Variants in STK3 observed in about 807,000 individuals in gnomAD.
The protein encoded by STK3 is serine/threonine-protein kinase 3.
STK3 carries 41 observed loss-of-function variants against 58.0 expected under a neutral mutation model. The observed-to-expected ratio is 0.71, with a 90% CI of 0.55 to 0.92. The LOEUF (loss-of-function observed/expected upper bound fraction) is 0.92, where lower values mean the gene tolerates loss of function less well. Ranked by LOEUF, STK3 falls within the 40% of genes least tolerant of loss-of-function variation. The pLI is 0.00. For missense variants in STK3, 479 were observed against 602.7 expected, an observed-to-expected ratio of 0.79 and a Z score of 2.15; for synonymous variants, 170 against 191.0, an observed-to-expected ratio of 0.89 and a Z score of 0.91.
At chr8:98,812,504 GA>G (rs1233925280) in intron 1 of STK3, among the ~76,000 whole-genome samples, 12 of 152,168 alleles carry the variant, frequency 7.9e-5, no homozygotes, top group Non-Finnish European at 1.8e-4. Context: ...TCTAGAACTA[GA>G]AGTACCATTT....
At chr8:98,364,256 G>C in the STK3 span, among the ~76,000 whole-genome samples, 1 of 152,120 alleles carries the variant, frequency 6.6e-6, no homozygotes, top group African/African-American at 2.4e-5. Flanking sequence ...ACTCCCACTC[G>C]CCTGCTTTCC....
chr8:98,578,848 A>T (rs2131722921), intron 8 of STK3, among the ~76,000 whole-genome samples: 1 of 152,320 alleles, frequency 6.6e-6, no homozygotes, highest in Non-Finnish European at 1.5e-5. Flanking sequence ...TTAGCAAGGT[A>T]TAGAAGCACT....
intron 4 of STK3, among the ~76,000 whole-genome samples, chr8:98,737,721 T>C (rs1828726959): frequency 6.6e-6 from 1 of 152,232 alleles, no homozygotes; most frequent in Non-Finnish European, 1.5e-5. Flanking sequence ...TTTTTCTTTT[T>C]TTTTTAGATG....
intron 6 of STK3, among the ~76,000 whole-genome samples, chr8:98,631,782 A>T (rs1819267852): frequency 6.6e-6 from 1 of 152,186 alleles, no homozygotes; most frequent in South Asian, 2.1e-4. Context: ...CTCCTGCCTC[A>T]GCCTCCAAAG....
At chr8:98,578,064 A>G (rs937546842) in intron 8 of STK3, among the ~76,000 whole-genome samples, 1 of 152,212 alleles carries the variant, frequency 6.6e-6, no homozygotes, top group Non-Finnish European at 1.5e-5. Flanking sequence ...TTACTATAAC[A>G]AAGTCTTAAA....
intron 1 of STK3, among the ~76,000 whole-genome samples, chr8:98,926,682 A>G (rs1839812303): frequency 2.0e-5 from 3 of 152,242 alleles, no homozygotes; most frequent in African/African-American, 7.2e-5. Flanking sequence ...ATGCAGTTGT[A>G]AAATTAAGGC....
chr8:98,429,108 T>C, intron 3 of STK3: 1 of 1,613,426 alleles, frequency 6.2e-7, no homozygotes, highest in Non-Finnish European at 8.5e-7. Context: ...CACAGTGGGG[T>C]ACGGGGATGT....
chr8:98,654,733 A>T (rs1418509304), intron 6 of STK3, among the ~76,000 whole-genome samples: 1 of 152,194 alleles, frequency 6.6e-6, no homozygotes, highest in South Asian at 2.1e-4. Flanking sequence ...TCCCATTCAC[A>T]ATTGCTTCAA....
chr8:98,741,535 C>G (rs1356567361), intron 4 of STK3, among the ~76,000 whole-genome samples: 1 of 152,166 alleles, frequency 6.6e-6, no homozygotes. Flanking sequence ...TAAAGATGGT[C>G]TTTAAAACCA....
In STK3 at chr8:98,582,104, C is replaced by T. The variant is rs192433409; in HGVS notation, c.823-2315G>A. On this transcript the variant is annotated intron_variant, in intron 7 of 10. Transcript: ENST00000419617. ...AAAGAATAAACTTTTCAAGCAGTCT[C>T]AATTTTTAAAATACATCATCAAGAA... 9.2e-3 allele frequency among the ~76,000 whole-genome samples: 1,406 copies of T among 152,196 alleles called. 18 individuals carry two copies. The highest frequency in any genetic ancestry group is 0.032 in the African/African-American group (1,329 of 41,556).
intron 8 of STK3, among the ~76,000 whole-genome samples, chr8:98,561,961 C>T (rs546668126): frequency 2.6e-5 from 4 of 152,244 alleles, no homozygotes; most frequent in East Asian, 3.9e-4. Flanking sequence ...CGAGATACCA[C>T]TAAACACCTT....
intron 1 of STK3, among the ~76,000 whole-genome samples, chr8:98,784,740 A>T (rs1832347885): frequency 6.6e-6 from 1 of 152,106 alleles, no homozygotes; most frequent in Non-Finnish European, 1.5e-5. Flanking sequence ...TCCACTCCAC[A>T]TGGAGACAGA....
At chr8:98,533,845 C>G (rs1420819590) in intron 9 of STK3, among the ~76,000 whole-genome samples, 3 of 152,094 alleles carry the variant, frequency 2.0e-5, no homozygotes, top group Non-Finnish European at 4.4e-5. Flanking sequence ...CCGTAAGTTC[C>G]CTAATGTAGA....
chr8:98,939,905 T>C (rs997710876), intron 1 of STK3, among the ~76,000 whole-genome samples: 2 of 152,228 alleles, frequency 1.3e-5, no homozygotes, highest in African/African-American at 2.4e-5. Flanking sequence ...GTCTGGGGCC[T>C]GTCCTTCACT....
At chr8:98,364,532 T>TG in the STK3 span, among the ~76,000 whole-genome samples, 1 of 152,378 alleles carries the variant, frequency 6.6e-6, no homozygotes, top group East Asian at 1.9e-4. Context: ...CAGTGACCTC[T>TG]GTCCAAGGGC....
At chr8:98,471,225 C>T (rs1373963272) in intron 10 of STK3, among the ~76,000 whole-genome samples, 1 of 152,078 alleles carries the variant, frequency 6.6e-6, no homozygotes, top group African/African-American at 2.4e-5. Flanking sequence ...CCACTGAACC[C>T]GCTCATAAGG....
intron 3 of STK3, among the ~76,000 whole-genome samples, chr8:98,394,448 A>T (rs1817880221): frequency 6.6e-6 from 1 of 152,194 alleles, no homozygotes; most frequent in Admixed American, 6.5e-5. Flanking sequence ...TTGGAGGCCA[A>T]GGCAGGAGGA....
At chr8:98,369,544 G>C (rs1286513775), downstream of STK3, among the ~76,000 whole-genome samples, 5 of 152,130 alleles carry the variant, frequency 3.3e-5, no homozygotes, top group Non-Finnish European at 1.5e-5. Flanking sequence ...AAAAAACAAA[G>C]GGCAGGCCTG....
chr8:98,496,704 G>A (rs1823161924), intron 10 of STK3, among the ~76,000 whole-genome samples: 1 of 152,104 alleles, frequency 6.6e-6, no homozygotes, highest in Non-Finnish European at 1.5e-5. Context: ...ATGCTAAGTA[G>A]AATAAACCAG....
Sources: gnomAD v4.1 joint callset for allele counts (sites outside exome capture counted in the v4.1 genomes callset) on GRCh38, gnomAD v4.1.1 for gene constraint, MANE v1.5 for transcripts, NCBI Gene and HGNC (gene_info 2026-07-23, HGNC 2026-07-21) for gene names.